Variants in CCDC73 observed in about 807,000 individuals in gnomAD.
The protein encoded by CCDC73 is coiled-coil domain containing 73.
Under a neutral mutation model 116.5 loss-of-function variants are expected in CCDC73, and 95 were observed. The observed-to-expected ratio is 0.82, with a 90% CI of 0.69 to 0.97. The LOEUF (loss-of-function observed/expected upper bound fraction) is 0.97, where lower values mean the gene tolerates loss of function less well. Among genes scored for constraint, CCDC73 ranks in the 50% least tolerant of loss-of-function variants. CCDC73 has a pLI of 0.00. For missense variants in CCDC73, 1,066 were observed against 1,206.8 expected (o/e 0.88, Z 1.73); for synonymous variants, 398 against 401.3 (o/e 0.99, Z 0.10).
chr11:32,799,680 T>A, the CCDC73 span, among the ~76,000 whole-genome samples: 3 of 152,200 alleles, frequency 2.0e-5, no homozygotes, highest in Admixed American at 2.0e-4. Flanking sequence ...TTCTCTGTAA[T>A]CAGTTTTCAT....
chr11:32,772,718 G>T (rs115178596), intron 1 of CCDC73, among the ~76,000 whole-genome samples: 1 of 152,150 alleles, frequency 6.6e-6, no homozygotes, highest in Non-Finnish European at 1.5e-5. Context: ...TCTAGGTAAG[G>T]TTATAAAGGT....
intron 9 of CCDC73, 113 bp from the exon 10 acceptor site, chr11:32,655,085 A>ATTTCAT: frequency 1.2e-3 from 145 of 122,376 alleles, no homozygotes; most frequent in Non-Finnish European, 1.8e-3. Context: ...AATTTGTTAT[A>ATTTCAT]ATTCCCTTGC....
intron 5 of CCDC73, among the ~76,000 whole-genome samples, chr11:32,699,874 TA>T (rs200475969): frequency 3.9e-5 from 1 of 25,774 alleles, no homozygotes; most frequent in Non-Finnish European, 7.0e-5. Flanking sequence ...GAACTTAGAT[TA>T]AAAAATATAT....
chr11:32,653,869 C>T (rs559295580), intron 11 of CCDC73, 109 bp downstream of exon 11: 2 of 1,204,848 alleles, frequency 1.7e-6, no homozygotes, highest in African/African-American at 3.1e-5. Context: ...ACATTTAATA[C>T]ACATTAACTG....
At chr11:32,778,631 G>A (rs1366107516) in intron 1 of CCDC73, among the ~76,000 whole-genome samples, 3 of 152,036 alleles carry the variant, frequency 2.0e-5, no homozygotes, top group Non-Finnish European at 4.4e-5. Flanking sequence ...GGCCAACATG[G>A]TGAAACCCCG....
At chr11:32,623,442 A>G (rs552958452) in intron 14 of CCDC73, among the ~76,000 whole-genome samples, 1 of 152,236 alleles carries the variant, frequency 6.6e-6, no homozygotes, top group African/African-American at 2.4e-5. Flanking sequence ...TGGTAGTCTC[A>G]GCTTCCCAGG....
the CCDC73 span, among the ~76,000 whole-genome samples, chr11:32,825,905 G>A: frequency 6.6e-6 from 1 of 152,184 alleles, no homozygotes; most frequent in Non-Finnish European, 1.5e-5. Flanking sequence ...ACAAGTCCCT[G>A]TCATAGGTCC....
chr11:32,614,377 T>G lies in CCDC73; in HGVS notation c.1941A>C (p.Leu647Phe). ...KNPVPCQKYS[L>F]RNSSNVMLDD... is the part of the protein sequence containing the mutation. The stretch of plus-strand genomic sequence containing the variant: ...CTAACATAACATTACTTGAATTCCG[T>G]AAACTATATTTCTGACATGGAACAG... The change falls in exon 16 of 18, where the codon TTA (leucine) becomes TTC (phenylalanine). Residue 647 changes from leucine (L) to phenylalanine (F), a missense_variant. By Grantham distance (22) the Leu-to-Phe change is conservative. Transcript: ENST00000335185. The G allele has an allele frequency of 6.2e-7, 1 of 1,612,896 alleles. No individual in the cohort carries two copies. The highest frequency in any genetic ancestry group is 2.2e-5 in the East Asian group (1 of 44,816).
chr11:32,682,294 T>C (rs1398513564), intron 7 of CCDC73: 1 of 151,966 alleles, frequency 6.6e-6, no homozygotes, highest in African/African-American at 2.4e-5. Context: ...TGACTTTCAG[T>C]ACAAATGTCA....
At chr11:32,691,862 C>T (rs1374056764) in intron 6 of CCDC73, among the ~76,000 whole-genome samples, 1 of 151,916 alleles carries the variant, frequency 6.6e-6, no homozygotes, top group African/African-American at 2.4e-5. Flanking sequence ...TCCTGGCTAA[C>T]ATGGTGAAAC....
chr11:32,642,036 T>C lies in CCDC73; in HGVS notation c.986A>G (p.Asn329Ser). 1 of 1,569,590 alleles carries C rather than the reference T, an allele frequency of 6.4e-7. No homozygotes were observed. The highest frequency in any genetic ancestry group is 8.6e-7 in the Non-Finnish European group (1 of 1,156,434). ...NELQREKVKE[N>S]EEKFLNLQNE... ...TTGAAGATTAAGAAACTTTTCTTCA[T>C]TTTCTTTTACCTTCTCCCTTTGCAG... The change falls in exon 13 of 18, where the codon AAT becomes AGT. Residue 329 changes from asparagine to serine, a missense_variant. Transcript: ENST00000335185.
At chr11:32,699,362 G>A (rs773783133) in intron 5 of CCDC73, 37 bp from the exon 6 acceptor site, 1 of 1,480,940 alleles carries the variant, frequency 6.8e-7, no homozygotes, top group Admixed American at 2.1e-5. Flanking sequence ...ACTTTCCAAT[G>A]TAAATAATAA....
the CCDC73 span, among the ~76,000 whole-genome samples, chr11:32,828,442 G>A: frequency 6.6e-6 from 1 of 150,552 alleles, no homozygotes; most frequent in Admixed American, 6.6e-5. Flanking sequence ...CCCAGGAGGC[G>A]AAGGTTACAG....
At chr11:32,608,733 G>A (rs374922919) in intron 17 of CCDC73, among the ~76,000 whole-genome samples, 23 of 152,108 alleles carry the variant, frequency 1.5e-4, no homozygotes, top group East Asian at 3.9e-4. Flanking sequence ...TGAGAGTCCC[G>A]CCCCTGCAGC....
intron 9 of CCDC73, among the ~76,000 whole-genome samples, chr11:32,661,050 C>T (rs1238787672): frequency 6.6e-6 from 1 of 152,098 alleles, no homozygotes; most frequent in African/African-American, 2.4e-5. Flanking sequence ...AGAGGTAATA[C>T]ATTTGGGCAT....
intron 6 of CCDC73, among the ~76,000 whole-genome samples, chr11:32,690,237 A>G (rs1233545027): frequency 1.3e-5 from 2 of 152,202 alleles, no homozygotes; most frequent in African/African-American, 4.8e-5. Flanking sequence ...AAAAGAAAAC[A>G]CACAAATATT....
chr11:32,606,895 G>C (rs1238943852), intron 17 of CCDC73, among the ~76,000 whole-genome samples: 1 of 133,744 alleles, frequency 7.5e-6, no homozygotes, highest in Non-Finnish European at 1.5e-5. Flanking sequence ...TGCAACTTCA[G>C]CCTCCCGAGT....
chr11:32,614,299 C>T lies in CCDC73; in HGVS notation c.2019G>A (p.Glu673=), dbSNP rs372985366. The change falls in exon 16 of 18, where the codon GAG becomes GAA. Residue 673 remains glutamate (E), a synonymous_variant. Transcript: ENST00000335185. Reference sequence around the variant, plus strand: ...TTTGTTTAGAAAGTAATATGCTGCACTCACTTTTTTTAGTTAACAGTTGTA... The same window carrying T: ...TTTGTTTAGAAAGTAATATGCTGCATTCACTTTTTTTAGTTAACAGTTGTA... ...KQIQLLTKKS[E]CSILLSKQTS... The T allele has an allele frequency of 2.5e-6, 4 of 1,612,916 alleles. No individual in the cohort carries two copies. Among genetic ancestry groups the T allele is most frequent in the Non-Finnish European group, 3.4e-6 (4 of 1,179,420 alleles).
intron 1 of CCDC73, among the ~76,000 whole-genome samples, chr11:32,785,650 C>T (rs1474232600): frequency 6.6e-6 from 1 of 152,128 alleles, no homozygotes; most frequent in African/African-American, 2.4e-5. Context: ...AGCAATCCTC[C>T]TGCCTCGGCC....
Sources: gnomAD v4.1 joint callset for allele counts (sites outside exome capture counted in the v4.1 genomes callset) on GRCh38, gnomAD v4.1.1 for gene constraint, MANE v1.5 for transcripts, NCBI Gene and HGNC (gene_info 2026-07-23, HGNC 2026-07-21) for gene names.